ZC3H12D: variants seen among roughly 807,000 people sequenced by gnomAD.
ZC3H12D encodes the protein zinc finger CCCH-type containing 12D, also known as probable ribonuclease ZC3H12D.
A neutral mutation model predicts 24.2 loss-of-function variants in ZC3H12D; 11 were observed. The observed-to-expected ratio is 0.46, with a 90% CI of 0.29 to 0.75. The LOEUF (loss-of-function observed/expected upper bound fraction) is 0.75, where lower values mean the gene tolerates loss of function less well. Ranked by LOEUF, ZC3H12D falls within the 30% of genes least tolerant of loss-of-function variation. The probability of loss-of-function intolerance (pLI) is 0.11; values close to 1 mark genes in which losing one functional copy is unlikely to be tolerated. For missense variants in ZC3H12D, 740 were observed against 767.7 expected (o/e 0.96, Z 0.43); for synonymous variants, 333 against 341.8 (o/e 0.97, Z 0.28).
chr6:149,482,846 T>G (rs989624249), intron 1 of ZC3H12D, among the ~76,000 whole-genome samples: 1 of 152,030 alleles, frequency 6.6e-6, no homozygotes, highest in Non-Finnish European at 1.5e-5. Context: ...GCGGCTTTGG[T>G]GACATACCCA....
Position 149,456,396 on chromosome 6 carries a change from C to G in ZC3H12D, c.680+270G>C, listed in dbSNP as rs985064217. The stretch of plus-strand genomic sequence containing the variant: ...ATTCTGTTTTTTTAAGTTAGTGGTG[C>G]CCTAAACACATGCTTGCATGCTTGG... On this transcript the variant is annotated intron_variant, in intron 4 of 5. Transcript: ENST00000409806. This position sits in a 1 kb window ranked among gnomAD's most constrained non-coding sequence, Gnocchi z 4.3. 1.5e-3 allele frequency among the ~76,000 whole-genome samples: 234 copies of G among 152,138 alleles called. No individual in the cohort carries two copies. Among genetic ancestry groups the G allele is most frequent in the African/African-American group, 5.3e-3 (222 of 41,504 alleles).
intron 3 of ZC3H12D, chr6:149,459,771 G>A: frequency 1.4e-6 from 1 of 711,958 alleles, no homozygotes. Flanking sequence ...TTCTGCCATT[G>A]GAATAAGTGG....
rs1775869855 is a variant in ZC3H12D at position 149,450,432 on chromosome 6, C to T, written c.*251G>A. On this transcript the variant is annotated 3_prime_UTR_variant, in exon 6 of 6. Coordinates refer to ENST00000409806, the MANE Select transcript of ZC3H12D (RefSeq NM_207360.3). ...AGCTTGGACCCGCAGTCTCCGTGCACATGGAAAATCATTCCCTCCACGGAA... is the reference window on the plus strand; with the variant it reads ...AGCTTGGACCCGCAGTCTCCGTGCATATGGAAAATCATTCCCTCCACGGAA... 1 of 488,244 alleles carries T rather than the reference C, an allele frequency of 2.0e-6. No homozygotes were observed. The highest frequency in any genetic ancestry group is 3.4e-5 in the East Asian group (1 of 29,846). The allele number at this position is 488,244 out of a possible 1,614,324, so 30.2% of individuals were successfully genotyped here. A position where few individuals can be genotyped will look rare whatever the true frequency, so the allele number is the denominator to read the frequency against.
intron 1 of ZC3H12D, 24 bp from the exon 2 acceptor site, chr6:149,474,637 A>C (rs555904618): frequency 2.8e-5 from 34 of 1,193,596 alleles, no homozygotes; most frequent in South Asian, 4.9e-5. Flanking sequence ...AAATGCATCC[A>C]TCAGGTGTTT....
Position 149,456,175 on chromosome 6 carries a change from C to G in ZC3H12D, c.680+491G>C, listed in dbSNP as rs1403113586. On this transcript the variant is annotated intron_variant, in intron 4 of 5. Coordinates refer to ENST00000409806, the MANE Select transcript of ZC3H12D (RefSeq NM_207360.3). This position sits in a 1 kb window ranked among gnomAD's most constrained non-coding sequence, Gnocchi z 4.3. Reference sequence around the variant, plus strand: ...GCTGAGGCAGGAGAATTGCTTGAACCTGGGAGGCAGAGTTTGCAGTGAGCC... The same window carrying G: ...GCTGAGGCAGGAGAATTGCTTGAACGTGGGAGGCAGAGTTTGCAGTGAGCC... 6.6e-6 allele frequency among the ~76,000 whole-genome samples: 1 copy of G among 151,946 alleles called. No homozygotes were observed. Among genetic ancestry groups the G allele is most frequent in the Non-Finnish European group, 1.5e-5 (1 of 68,000 alleles).
At position 149,451,040 on chromosome 6, in the gene ZC3H12D, C is replaced by G. The variant is rs746571581; in HGVS notation, c.1227G>C (p.Leu409=). Residue 409 remains leucine (L), a synonymous_variant, in exon 6 of 6, where the codon CTG becomes CTC. Transcript: ENST00000409806. The part of the protein sequence containing the change: ...SPGDLPPPPG[L]QLQPRGEHRP... Reference sequence around the variant, plus strand: ...GGTGTTCGCCCCGCGGCTGGAGCTGCAGGCCGGGCGGAGGCGGGAGGTCGC... The same window carrying G: ...GGTGTTCGCCCCGCGGCTGGAGCTGGAGGCCGGGCGGAGGCGGGAGGTCGC... 5 of 1,429,552 alleles carry G rather than the reference C, an allele frequency of 3.5e-6. No homozygotes were observed. In the Admixed American group the frequency reaches 1.4e-4, roughly 41 times the overall value. The allele number at this position is 1,429,552 out of a possible 1,614,324, so 88.6% of individuals were successfully genotyped here.
chr6:149,462,199 C>T (rs1223175978), intron 2 of ZC3H12D, among the ~76,000 whole-genome samples: 2 of 152,072 alleles, frequency 1.3e-5, no homozygotes, highest in Non-Finnish European at 2.9e-5. Flanking sequence ...CATGGTGAAA[C>T]CCCATCTCTA....
At chr6:149,468,000 A>T (rs1011883799) in intron 2 of ZC3H12D, among the ~76,000 whole-genome samples, 1 of 152,082 alleles carries the variant, frequency 6.6e-6, no homozygotes, top group Non-Finnish European at 1.5e-5. Context: ...TTTGTTTTTG[A>T]GACGGAGTTT....
chr6:149,458,383 C>T (rs1776021204), intron 3 of ZC3H12D, among the ~76,000 whole-genome samples: 1 of 152,036 alleles, frequency 6.6e-6, no homozygotes, highest in African/African-American at 2.4e-5. Flanking sequence ...CATCCACCCA[C>T]CTCAACCTCC....
rs756534040 is a variant in ZC3H12D at position 149,451,014 on chromosome 6, C to T, written c.1253G>A (p.Arg418His). Residue 418 changes from arginine (R) to histidine (H), a missense_variant, in exon 6 of 6, where the codon CGC becomes CAC. Transcript: ENST00000409806. ...GLQLQPRGEH[R>H]PRDLHGDLLS... ...CAAGTCGCCGTGCAGGTCCCTAGGGCGGTGTTCGCCCCGCGGCTGGAGCTG... is the reference window on the plus strand; with the variant it reads ...CAAGTCGCCGTGCAGGTCCCTAGGGTGGTGTTCGCCCCGCGGCTGGAGCTG... 2.7e-6 allele frequency: 4 copies of T among 1,463,346 alleles called. No individual in the cohort carries two copies. Among genetic ancestry groups the T allele is most frequent in the Non-Finnish European group, 3.6e-6 (4 of 1,113,914 alleles). 90.6% of individuals were successfully genotyped at this position (1,463,346 alleles called of 1,614,324 possible). A position where few individuals can be genotyped will look rare whatever the true frequency, so the allele number is the denominator to read the frequency against.
At chr6:149,481,775 A>C (rs990655103) in intron 1 of ZC3H12D, among the ~76,000 whole-genome samples, 1 of 152,186 alleles carries the variant, frequency 6.6e-6, no homozygotes, top group Non-Finnish European at 1.5e-5. Context: ...TGAGGCTCGG[A>C]AAGTAAAGGC....
At chr6:149,466,611 C>T (rs1776166769) in intron 2 of ZC3H12D, among the ~76,000 whole-genome samples, 1 of 152,176 alleles carries the variant, frequency 6.6e-6, no homozygotes, top group African/African-American at 2.4e-5. Context: ...GGTGCTGTGG[C>T]TCACGCCTGT....
In ZC3H12D at chr6:149,462,827, AC is replaced by A. The variant is rs1394618580; in HGVS notation, c.306-858del. Among the ~76,000 whole-genome samples, 4 of 152,274 alleles carry A rather than the reference AC, an allele frequency of 2.6e-5. No individual in the cohort carries two copies. The East Asian group carries it at 7.7e-4, about 29-fold the overall frequency. ...AGTTCTTCAGCTTTTGGACTGTTGGACTTACACCAGGGGTTTGCCAGGGGCT... is the reference window on the plus strand; with the variant it reads ...AGTTCTTCAGCTTTTGGACTGTTGGATTACACCAGGGGTTTGCCAGGGGCT... On this transcript the variant is annotated intron_variant, in intron 2 of 5. Transcript: ENST00000409806.
Position 149,476,045 on chromosome 6 carries a change from C to T in ZC3H12D, c.-70-1432G>A, listed in dbSNP as rs530366123. Among the ~76,000 whole-genome samples, 4 of 152,316 alleles carry T rather than the reference C, an allele frequency of 2.6e-5. No homozygotes were observed. The East Asian group carries it at 7.7e-4, about 29-fold the overall frequency. On this transcript the variant is annotated intron_variant, in intron 1 of 5. Coordinates refer to ENST00000409806, the MANE Select transcript of ZC3H12D (RefSeq NM_207360.3). ...GTTTCTCCTACACACCCCAAACCCA[C>T]TTGCTTCCCCTACTGTTTTTCCGCA... is the stretch of plus-strand genomic sequence containing the variant.
chr6:149,456,616 G>GCCCCCCCCCCCCCCCCCC lies in ZC3H12D; in HGVS notation c.680+49_680+50insGGGGGGGGGGGGGGGGGG. On this transcript the variant is annotated intron_variant, in intron 4 of 5. Transcript: ENST00000409806. This position sits in a 1 kb window ranked among gnomAD's most constrained non-coding sequence, Gnocchi z 4.3. ...AGGCGTGGCCACTGCCTCGACCCCG[G>GCCCCCCCCCCCCCCCCCC]CCCCCCGCCCCGCCGCCCCCCAGGG... The GCCCCCCCCCCCCCCCCCC allele has an allele frequency of 4.2e-5, 47 of 1,130,346 alleles. No homozygotes were observed. Among genetic ancestry groups the GCCCCCCCCCCCCCCCCCC allele is most frequent in the East Asian group, 7.5e-5 (3 of 39,788 alleles). 70.0% of individuals were successfully genotyped at this position (1,130,346 alleles called of 1,614,324 possible).
Position 149,452,848 on chromosome 6 carries a change from C to G in ZC3H12D, c.681-126G>C. 1.3e-6 allele frequency: 1 copy of G among 785,718 alleles called. No homozygotes were observed. The highest frequency in any genetic ancestry group is 2.1e-6 in the Non-Finnish European group (1 of 481,144). The allele number at this position is 785,718 out of a possible 1,614,324, so 48.7% of individuals were successfully genotyped here. On this transcript the variant is annotated intron_variant, in intron 4 of 5. Transcript: ENST00000409806. This position sits in a 1 kb window ranked among gnomAD's most constrained non-coding sequence, Gnocchi z 4.0. ...CATTCGGCCCCGGGCCCACCATCAC[C>G]CAGCAGGATGTCACAGCATCTTAAA...
Position 149,466,695 on chromosome 6 carries a change from G to A in ZC3H12D, c.306-4725C>T, listed in dbSNP as rs1185641239. Among the ~76,000 whole-genome samples, 3 of 152,100 alleles carry A rather than the reference G, an allele frequency of 2.0e-5. No individual in the cohort carries two copies. The East Asian group carries it at 5.8e-4, about 29-fold the overall frequency. On this transcript the variant is annotated intron_variant, in intron 2 of 5. Coordinates refer to ENST00000409806, the MANE Select transcript of ZC3H12D (RefSeq NM_207360.3). ...GTTCGAGACCAGCCTAACCAACATG[G>A]TGAAACCCCGTCTTTACTAAAAATA...
chr6:149,456,993 G>A lies in ZC3H12D; in HGVS notation c.446-93C>T. 7.9e-7 allele frequency: 1 copy of A among 1,271,584 alleles called. No homozygotes were observed. The highest frequency in any genetic ancestry group is 1.4e-5 in the South Asian group (1 of 72,900). The allele number at this position is 1,271,584 out of a possible 1,614,324, so 78.8% of individuals were successfully genotyped here. On this transcript the variant is annotated intron_variant, in intron 3 of 5. Coordinates refer to ENST00000409806, the MANE Select transcript of ZC3H12D (RefSeq NM_207360.3). The surrounding 1 kb of genome is among the most constrained non-coding windows in gnomAD (Gnocchi z 4.3). Reference sequence around the variant, plus strand: ...GCGAGGCCACCCGCTTCCCGGGCCGGTCAGATGAGGTTTTGAGGGGAGCGG... The same window carrying A: ...GCGAGGCCACCCGCTTCCCGGGCCGATCAGATGAGGTTTTGAGGGGAGCGG...
chr6:149,452,029 TGA>T lies in ZC3H12D; in HGVS notation c.788-552_788-551del, dbSNP rs1775906865. The T allele has an allele frequency of 6.5e-6, 1 of 153,140 alleles. No homozygotes were observed. The highest frequency in any genetic ancestry group is 2.4e-5 in the African/African-American group (1 of 41,482). The allele number at this position is 153,140 out of a possible 1,614,324, so 9.5% of individuals were successfully genotyped here. ...TGTTACTATCCAAACCCAAGGCTTC[TGA>T]GAGTGAAAGGGGGAAGGAGGAGTCA... On this transcript the variant is annotated intron_variant, in intron 5 of 5. Coordinates refer to ENST00000409806, the MANE Select transcript of ZC3H12D (RefSeq NM_207360.3). This position sits in a 1 kb window ranked among gnomAD's most constrained non-coding sequence, Gnocchi z 4.0.
Sources: allele counts gnomAD v4.1 joint callset (sites outside exome capture counted in the v4.1 genomes callset), GRCh38; gene constraint gnomAD v4.1.1; non-coding constraint Gnocchi (gnomAD v3.1); transcripts MANE v1.5; gene names NCBI Gene and HGNC (gene_info 2026-07-23, HGNC 2026-07-21).